The following PYGB variants were observed in gnomAD, a reference collection of about 807,000 sequenced individuals.
The protein encoded by PYGB is glycogen phosphorylase B.
PYGB carries 82 observed loss-of-function variants against 94.3 expected under a neutral mutation model. That is an observed-to-expected ratio of 0.87 (90% CI 0.73 to 1.04). The LOEUF (loss-of-function observed/expected upper bound fraction) is 1.04, where lower values mean the gene tolerates loss of function less well. PYGB is among the 50% of genes least tolerant of loss of function. PYGB has a pLI of 0.00. For synonymous variants in PYGB, 488 were observed against 479.1 expected, an observed-to-expected ratio of 1.02 and a Z score of -0.24; for missense variants, 1,132 against 1,158.2, an observed-to-expected ratio of 0.98 and a Z score of 0.33.
chr20:25,261,049 G>C (rs1465025000), intron 2 of PYGB, among the ~76,000 whole-genome samples: 1 of 152,228 alleles, frequency 6.6e-6, no homozygotes, highest in East Asian at 1.9e-4. Context: ...TCCACCTCTG[G>C]GGGCAGGGCA....
chr20:25,281,423 T>C (rs1001610834), intron 11 of PYGB, among the ~76,000 whole-genome samples: 4 of 152,230 alleles, frequency 2.6e-5, no homozygotes, highest in African/African-American at 9.6e-5. Flanking sequence ...TCTGCACCAC[T>C]GGTCCACCTG....
intron 14 of PYGB, among the ~76,000 whole-genome samples, chr20:25,287,246 A>AG (rs1203288022): frequency 6.6e-6 from 1 of 152,250 alleles, no homozygotes; most frequent in East Asian, 1.9e-4. Context: ...AGTGAGGCAG[A>AG]GGGGAGACAC....
chr20:25,268,167 C>CCCCCCCCCCCT (rs772366458), intron 2 of PYGB, among the ~76,000 whole-genome samples: 1 of 94,922 alleles, frequency 1.1e-5, no homozygotes, highest in African/African-American at 3.8e-5. Context: ...ACCCGCCCCC[C>CCCCCCCCCCCT]CCCCATATCC....
At chr20:25,248,511 C>T (rs1270543406) in intron 1 of PYGB, 90 bp downstream of exon 1, 9 of 1,254,852 alleles carry the variant, frequency 7.2e-6, no homozygotes, top group East Asian at 6.3e-5. Context: ...CGGGGCGGCC[C>T]GTCGGGCGTT....
At chr20:25,274,052 A>G (rs6050513) in intron 4 of PYGB, among the ~76,000 whole-genome samples, 17,658 of 152,176 alleles carry the variant, frequency 0.12, 1,928 homozygotes, top group African/African-American at 0.29. Context: ...TGATTCTTCT[A>G]TAACAGCTTT....
chr20:25,294,924 TTA>T, intron 18 of PYGB: 1 of 1,474,168 alleles, frequency 6.8e-7, no homozygotes, highest in Non-Finnish European at 9.0e-7. Flanking sequence ...TGGGTTAGTT[TTA>T]GTTTTGTCTG....
intron 12 of PYGB, 64 bp downstream of exon 12, chr20:25,282,211 T>C (rs2088374699): frequency 7.4e-7 from 1 of 1,360,436 alleles, no homozygotes; most frequent in Non-Finnish European, 1.0e-6. Context: ...GGCCATGTCA[T>C]CAGCCCCTGC....
At chr20:25,255,452 A>G (rs933699112) in intron 1 of PYGB, among the ~76,000 whole-genome samples, 10 of 152,210 alleles carry the variant, frequency 6.6e-5, no homozygotes, top group African/African-American at 2.4e-4. Flanking sequence ...CGTGGTGCCC[A>G]CTGGCCTCTG....
intron 14 of PYGB, among the ~76,000 whole-genome samples, chr20:25,284,735 T>C (rs1277978013): frequency 6.6e-6 from 1 of 152,266 alleles, no homozygotes; most frequent in Non-Finnish European, 1.5e-5. Context: ...CTTCAGTTTT[T>C]ATTTTAAATT....
intron 18 of PYGB, chr20:25,295,106 G>C: frequency 7.0e-7 from 1 of 1,422,494 alleles, no homozygotes; most frequent in South Asian, 1.1e-5. Context: ...ATAGTGAACA[G>C]AAATGCATTT....
chr20:25,295,783 GGTTT>G, intron 19 of PYGB, 113 bp downstream of exon 19: 1 of 1,215,380 alleles, frequency 8.2e-7, no homozygotes, highest in Non-Finnish European at 1.2e-6. Flanking sequence ...GGGCCAGAGG[GGTTT>G]GTGATTCTGA....
At chr20:25,294,051 C>T in intron 17 of PYGB, 107 bp from the exon 18 acceptor site, 1 of 1,493,478 alleles carries the variant, frequency 6.7e-7, no homozygotes, top group Non-Finnish European at 9.0e-7. Flanking sequence ...CCTTGAGCTC[C>T]CAGGGCCATC....
At chr20:25,293,585 T>C (rs1365638777) in intron 17 of PYGB, among the ~76,000 whole-genome samples, 1 of 152,228 alleles carries the variant, frequency 6.6e-6, no homozygotes, top group Non-Finnish European at 1.5e-5. Context: ...GAGCTGTGCC[T>C]TGCTGGCCCG....
chr20:25,292,041 G>A (rs914785904), intron 16 of PYGB, among the ~76,000 whole-genome samples: 21 of 152,208 alleles, frequency 1.4e-4, no homozygotes, highest in Non-Finnish European at 2.9e-4. Flanking sequence ...CGCTGGGGCT[G>A]ATCAAGGTCG....
chr20:25,296,507 C>T lies in PYGB; in HGVS notation c.2517C>T (p.Asn839=), dbSNP rs1271755360. 2 of 1,613,488 alleles carry T rather than the reference C, an allele frequency of 1.2e-6. No homozygotes were observed. Among genetic ancestry groups the T allele is most frequent in the East Asian group, 2.2e-5 (1 of 44,880 alleles). ...CCGACCTGCAGATCCCGCCCCCCAA[C>T]ATCCCCCGGGACTAGGCACACCCTG... ...EPSDLQIPPP[N]IPRD is the part of the protein sequence containing the mutation. Residue 839 remains asparagine (N), a synonymous_variant, in exon 20 of 20, where the codon AAC becomes AAT. Coordinates refer to ENST00000216962, the MANE Select transcript of PYGB (RefSeq NM_002862.4).
At chr20:25,252,045 C>A (rs2092889544) in intron 1 of PYGB, among the ~76,000 whole-genome samples, 1 of 152,224 alleles carries the variant, frequency 6.6e-6, no homozygotes, top group Admixed American at 6.5e-5. Context: ...AATCCTAACA[C>A]TCCCAATTTT....
chr20:25,278,567 A>G (rs1044179926), intron 8 of PYGB, 105 bp downstream of exon 8: 8 of 1,433,912 alleles, frequency 5.6e-6, no homozygotes, highest in East Asian at 4.7e-5. Context: ...GGAATGGTAC[A>G]TGCCCCTTGT....
chr20:25,260,031 G>C (rs1245762161), intron 2 of PYGB, among the ~76,000 whole-genome samples: 1 of 152,182 alleles, frequency 6.6e-6, no homozygotes, highest in Non-Finnish European at 1.5e-5. Flanking sequence ...TGTGTGGGAG[G>C]AGTGGGGGTG....
At chr20:25,256,144 G>C (rs765085421) in intron 1 of PYGB, among the ~76,000 whole-genome samples, 3 of 152,106 alleles carry the variant, frequency 2.0e-5, no homozygotes, top group African/African-American at 7.2e-5. Context: ...CTTCAGAAAA[G>C]GGAGAAAAAA....
Sources: allele counts gnomAD v4.1 joint callset (sites outside exome capture counted in the v4.1 genomes callset), GRCh38; gene constraint gnomAD v4.1.1; transcripts MANE v1.5; gene names NCBI Gene and HGNC (gene_info 2026-07-23, HGNC 2026-07-21).